The following ADGRE2 variants were observed in gnomAD, a reference collection of about 807,000 sequenced individuals.
ADGRE2 encodes the protein CD97 antigen.
ADGRE2 carries 83 observed loss-of-function variants against 100.8 expected under a neutral mutation model. That is an observed-to-expected ratio of 0.82 (90% CI 0.69 to 0.99). The LOEUF (loss-of-function observed/expected upper bound fraction) is 0.99. Among genes scored for constraint, ADGRE2 ranks in the 50% least tolerant of loss-of-function variants. The pLI is 0.00. For synonymous variants in ADGRE2, 355 were observed against 413.0 expected, an observed-to-expected ratio of 0.86 and a Z score of 1.70; for missense variants, 814 against 1,035.7, an observed-to-expected ratio of 0.79 and a Z score of 2.94.
chr19:14,748,785 C>T (rs912405599), intron 16 of ADGRE2, among the ~76,000 whole-genome samples: 4 of 152,054 alleles, frequency 2.6e-5, no homozygotes, highest in African/African-American at 4.8e-5. Context: ...AAATCTTCTA[C>T]GAGGCCAGTG....
intron 14 of ADGRE2, among the ~76,000 whole-genome samples, chr19:14,753,854 C>A (rs2878369): frequency 0.42 from 64,248 of 151,298 alleles, 14,755 homozygotes; most frequent in African/African-American, 0.6. Flanking sequence ...TCTTTATAAG[C>A]TCTGGGCTCT....
At chr19:14,737,655 T>A (rs7248991) in intron 20 of ADGRE2, among the ~76,000 whole-genome samples, 43,135 of 151,902 alleles carry the variant, frequency 0.28, 6,449 homozygotes, top group South Asian at 0.51. Context: ...AGGAAGTAAA[T>A]GTGTTGCAGT....
chr19:14,775,021 G>T (rs1322267988), intron 2 of ADGRE2, among the ~76,000 whole-genome samples: 1 of 145,940 alleles, frequency 6.9e-6, no homozygotes, highest in Non-Finnish European at 1.5e-5. Flanking sequence ...ATTTTTTTTT[G>T]AGATGGAGTC....
intron 2 of ADGRE2, among the ~76,000 whole-genome samples, chr19:14,775,593 T>G (rs2044405064): frequency 6.6e-6 from 1 of 151,908 alleles, no homozygotes; most frequent in Non-Finnish European, 1.5e-5. Context: ...GCACGGTGGC[T>G]CGGGACTGTA....
chr19:14,743,823 A>G (rs867329505), intron 18 of ADGRE2, 39 bp from the exon 19 acceptor site: 1 of 1,600,666 alleles, frequency 6.2e-7, no homozygotes, highest in Middle Eastern at 1.7e-4. Flanking sequence ...ATGCACCCAG[A>G]GAAAGAGAAT....
At chr19:14,730,778 A>AAAAAC, downstream of ADGRE2, among the ~76,000 whole-genome samples, 1 of 151,586 alleles carries the variant, frequency 6.6e-6, no homozygotes, top group Non-Finnish European at 1.5e-5. Flanking sequence ...ATAGTACCTG[A>AAAAAC]TAGGTAGTTT....
At chr19:14,765,053 C>A (rs560412592) in intron 10 of ADGRE2, among the ~76,000 whole-genome samples, 10 of 152,266 alleles carry the variant, frequency 6.6e-5, no homozygotes, top group African/African-American at 2.4e-4. Flanking sequence ...CCTAGGTGAT[C>A]CTTGACTCTG....
intron 5 of ADGRE2, among the ~76,000 whole-genome samples, chr19:14,771,039 G>A (rs1396762294): frequency 2.0e-5 from 3 of 152,048 alleles, no homozygotes; most frequent in Non-Finnish European, 2.9e-5. Flanking sequence ...ATATGTGCAT[G>A]CAATGTAGCA....
At chr19:14,775,679 T>C (rs568068416) in intron 2 of ADGRE2, among the ~76,000 whole-genome samples, 1 of 151,786 alleles carries the variant, frequency 6.6e-6, no homozygotes, top group Admixed American at 6.6e-5. Flanking sequence ...CCCAATATGG[T>C]GAAACCCCGT....
chr19:14,774,083 G>A, intron 3 of ADGRE2, 29 bp from the exon 4 acceptor site: 1 of 1,602,794 alleles, frequency 6.2e-7, no homozygotes, highest in African/African-American at 1.3e-5. Flanking sequence ...CGGTCAGAAG[G>A]TGAGGGGTAA....
At chr19:14,767,412 G>A (rs1331693417) in intron 5 of ADGRE2, among the ~76,000 whole-genome samples, 1 of 151,868 alleles carries the variant, frequency 6.6e-6, no homozygotes, top group Admixed American at 6.6e-5. Flanking sequence ...CTAATTTTTT[G>A]TATTTTTAGT....
intron 20 of ADGRE2, among the ~76,000 whole-genome samples, chr19:14,740,663 T>C (rs1249276417): frequency 2.0e-5 from 3 of 149,216 alleles, no homozygotes; most frequent in African/African-American, 7.4e-5. Flanking sequence ...AAAAAGGTAA[T>C]GAGAGAAATG....
chr19:14,755,678 T>G lies in ADGRE2; in HGVS notation c.1392A>C (p.Pro464=). ...CACGGTGGGAGAAGGTGAAGGTAAC[T>G]GGGGAGCTGAGGTTTTGGGTGTCGT... ...SNNDTQNLSS[P]VTFTFSHRSV... is the part of the protein sequence containing the mutation. The change falls in exon 13 of 21, where the codon CCA becomes CCC. Residue 464 remains proline (P), a synonymous_variant. Transcript: ENST00000315576. 6.2e-7 allele frequency: 1 copy of G among 1,614,068 alleles called. No homozygotes were observed. The highest frequency in any genetic ancestry group is 1.1e-5 in the South Asian group (1 of 91,078).
intron 11 of ADGRE2, among the ~76,000 whole-genome samples, chr19:14,760,809 C>A (rs1484765448): frequency 6.6e-6 from 1 of 152,126 alleles, no homozygotes; most frequent in Non-Finnish European, 1.5e-5. Context: ...TTTAACATAA[C>A]ACAGACCTGA....
Position 14,743,662 on chromosome 19 carries a change from A to T in ADGRE2, c.2306T>A (p.Leu769Gln). Residue 769 changes from leucine (L) to glutamine (Q), a missense_variant, in exon 19 of 21, where the codon CTG becomes CAG. Physicochemically the swap from Leu to Gln is moderately radical, Grantham distance 113. Around this residue, in one of 5 missense-constraint regions of ADGRE2, gnomAD observed 569 missense variants for 692.7 expected, o/e 0.82. Coordinates refer to ENST00000315576, the MANE Select transcript of ADGRE2 (RefSeq NM_013447.4). ...MAYLFTIINSLQGVFIFLVYC... is the reference protein window; with the variant it reads ...MAYLFTIINSQQGVFIFLVYC... ...CACCAGGAAGATGAAGACACCCTGC[A>T]GGCTGTTGATGATGGTGAAGAGGTA... is the stretch of plus-strand genomic sequence containing the variant. The T allele has an allele frequency of 6.2e-7, 1 of 1,614,208 alleles. No homozygotes were observed. The highest frequency in any genetic ancestry group is 8.5e-7 in the Non-Finnish European group (1 of 1,180,030).
chr19:14,741,270 T>C (rs191782328), intron 20 of ADGRE2, among the ~76,000 whole-genome samples: 5 of 151,878 alleles, frequency 3.3e-5, no homozygotes, highest in Non-Finnish European at 7.4e-5. Flanking sequence ...CTAATTTATG[T>C]ATTTTTAGTA....
At chr19:14,762,131 A>G (rs56035752) in intron 11 of ADGRE2, among the ~76,000 whole-genome samples, 3,770 of 152,170 alleles carry the variant, frequency 0.025, 156 homozygotes, top group African/African-American at 0.086. Context: ...GTCACGGGCC[A>G]TGGTCAGTCA....
At chr19:14,770,669 CTTTTTTTTTTT>C (rs775214778) in intron 5 of ADGRE2, among the ~76,000 whole-genome samples, 3 of 85,010 alleles carry the variant, frequency 3.5e-5, no homozygotes, top group South Asian at 9.9e-4. Flanking sequence ...TCTTTCTTTT[CTTTTTTTTTTT>C]TTTTTTTTTT....
chr19:14,774,426 G>A (rs116687791), intron 2 of ADGRE2, 120 bp from the exon 3 acceptor site: 43,445 of 1,522,732 alleles, frequency 0.029, 965 homozygotes, highest in African/African-American at 0.063. Flanking sequence ...CCTGCCCATC[G>A]TTCAAACAGA....
Sources: allele counts gnomAD v4.1 joint callset (sites outside exome capture counted in the v4.1 genomes callset), GRCh38; gene constraint gnomAD v4.1.1; regional missense constraint gnomAD v4.1.1; transcripts MANE v1.5; gene names NCBI Gene and HGNC (gene_info 2026-07-23, HGNC 2026-07-21).